Variants in SLC27A2 observed in about 807,000 individuals in gnomAD.
The protein encoded by SLC27A2 is solute carrier family 27 member 2.
In SLC27A2, 54 loss-of-function variants were observed where a neutral mutation model predicts 60.0. That is an observed-to-expected ratio of 0.90 (90% CI 0.72 to 1.13). The LOEUF (loss-of-function observed/expected upper bound fraction) is 1.13, where lower values mean the gene tolerates loss of function less well. Among genes scored for constraint, SLC27A2 ranks in the 50% most tolerant of loss-of-function variants. SLC27A2 has a pLI of 0.00. For synonymous variants in SLC27A2, 297 were observed against 297.6 expected (o/e 1.00, Z 0.02); for missense variants, 739 against 777.6 (o/e 0.95, Z 0.59).
At chr15:50,217,148 A>G (rs769522670) in intron 4 of SLC27A2, among the ~76,000 whole-genome samples, 8 of 152,146 alleles carry the variant, frequency 5.3e-5, no homozygotes, top group Admixed American at 1.3e-4. Flanking sequence ...GGTGCAGTGT[A>G]TACTGCTCAG....
At chr15:50,196,125 T>C (rs1567428469) in intron 1 of SLC27A2, among the ~76,000 whole-genome samples, 2 of 98,992 alleles carry the variant, frequency 2.0e-5, no homozygotes, top group South Asian at 7.4e-4. Context: ...TATATATATA[T>C]GTATGTACAT....
chr15:50,182,506 T>C lies in SLC27A2; in HGVS notation c.79T>C (p.Phe27Leu), dbSNP rs769000298. 3 of 1,612,244 alleles carry C rather than the reference T, an allele frequency of 1.9e-6. No homozygotes were observed. The Admixed American group carries it at 5.0e-5, about 27-fold the overall frequency. ...LLVNLCCPYFFQDIGYFLKVA... is the reference protein window; with the variant it reads ...LLVNLCCPYFLQDIGYFLKVA... ...GGTGAACCTCTGCTGCCCATACTTC[T>C]TCCAGGACATAGGCTACTTCTTGAA... The change falls in exon 1 of 10, where the codon TTC (phenylalanine) becomes CTC (leucine). Residue 27 changes from phenylalanine (F) to leucine (L), a missense_variant. Phe to Leu is a conservative substitution (Grantham distance 22). Coordinates refer to ENST00000267842, the MANE Select transcript of SLC27A2 (RefSeq NM_003645.4).
chr15:50,227,859 A>G (rs2045288633), intron 7 of SLC27A2, among the ~76,000 whole-genome samples: 1 of 152,198 alleles, frequency 6.6e-6, no homozygotes, highest in Non-Finnish European at 1.5e-5. Context: ...GTCTAACTGC[A>G]GTAGAAAGAC....
At chr15:50,232,023 C>T (rs1458883949) in intron 8 of SLC27A2, among the ~76,000 whole-genome samples, 2 of 152,196 alleles carry the variant, frequency 1.3e-5, no homozygotes. Context: ...ATTCTAAAGT[C>T]CCTCCCAACT....
intron 4 of SLC27A2, among the ~76,000 whole-genome samples, chr15:50,218,967 C>T (rs1310350196): frequency 3.9e-5 from 6 of 152,134 alleles, no homozygotes; most frequent in African/African-American, 1.4e-4. Context: ...TAAGGGGAAA[C>T]TTACCAATAG....
At chr15:50,216,608 GTGTATATATATATA>G (rs1448704259) in intron 4 of SLC27A2, among the ~76,000 whole-genome samples, 1 of 45,530 alleles carries the variant, frequency 2.2e-5, no homozygotes, top group Non-Finnish European at 4.4e-5. Flanking sequence ...GTGTGTGTGT[GTGTATATATATATA>G]TATATATATA....
At position 50,182,843 on chromosome 15, in the gene SLC27A2, G is replaced by A. The variant is rs2044875784; in HGVS notation, c.416G>A (p.Arg139His). The A allele has an allele frequency of 1.2e-6, 2 of 1,613,106 alleles. No homozygotes were observed. The highest frequency in any genetic ancestry group is 1.7e-6 in the Non-Finnish European group (2 of 1,179,962). Residue 139 changes from arginine (R) to histidine (H), a missense_variant, in exon 1 of 10, where the codon CGC (arginine) becomes CAC (histidine). Arg to His is a conservative substitution (Grantham distance 29, BLOSUM62 0). Coordinates refer to ENST00000267842, the MANE Select transcript of SLC27A2 (RefSeq NM_003645.4). ...CAMACLNYNI[R>H]AKSLLHCFQC... ...ATGGCGTGCCTCAATTACAACATCCGCGCGAAGTCCCTGCTGCACTGCTTC... is the reference window on the plus strand; with the variant it reads ...ATGGCGTGCCTCAATTACAACATCCACGCGAAGTCCCTGCTGCACTGCTTC...
At chr15:50,207,666 T>C (rs1426596830) in intron 4 of SLC27A2, among the ~76,000 whole-genome samples, 1 of 151,678 alleles carries the variant, frequency 6.6e-6, no homozygotes, top group Non-Finnish European at 1.5e-5. Flanking sequence ...GGCACGTGCC[T>C]GTAATCCCAA....
chr15:50,212,606 C>A (rs1235168116), intron 4 of SLC27A2, among the ~76,000 whole-genome samples: 1 of 152,238 alleles, frequency 6.6e-6, no homozygotes, highest in Non-Finnish European at 1.5e-5. Context: ...AGAAACCCTA[C>A]AAGCTAGAAG....
chr15:50,200,566 C>T (rs989323055), intron 2 of SLC27A2, among the ~76,000 whole-genome samples: 6 of 152,188 alleles, frequency 3.9e-5, no homozygotes, highest in African/African-American at 1.2e-4. Flanking sequence ...TATTTGGGCA[C>T]TATCTGGTGA....
At chr15:50,210,875 C>T (rs1987274) in intron 4 of SLC27A2, among the ~76,000 whole-genome samples, 1 of 152,136 alleles carries the variant, frequency 6.6e-6, no homozygotes, top group Non-Finnish European at 1.5e-5. Flanking sequence ...TCCCCCACTT[C>T]CCTGACAACC....
intron 5 of SLC27A2, among the ~76,000 whole-genome samples, chr15:50,224,219 T>C (rs2045263797): frequency 6.6e-6 from 1 of 152,112 alleles, no homozygotes; most frequent in South Asian, 2.1e-4. Context: ...GGCAGGTGGA[T>C]CATGAGATCA....
At chr15:50,231,692 G>T (rs1488710247) in intron 8 of SLC27A2, among the ~76,000 whole-genome samples, 4 of 152,140 alleles carry the variant, frequency 2.6e-5, no homozygotes, top group African/African-American at 9.7e-5. Flanking sequence ...TGAATCTAAT[G>T]ATCAGTGAGT....
intron 1 of SLC27A2, 42 bp downstream of exon 1, chr15:50,182,947 C>T: frequency 1.9e-6 from 3 of 1,551,070 alleles, no homozygotes; most frequent in South Asian, 2.4e-5. Flanking sequence ...CAGGGCTTCT[C>T]GGCGCCTTGA....
At chr15:50,196,521 T>C (rs1344234517) in intron 1 of SLC27A2, among the ~76,000 whole-genome samples, 1 of 152,160 alleles carries the variant, frequency 6.6e-6, no homozygotes, top group East Asian at 1.9e-4. Context: ...TTTTATTCCA[T>C]TTTAGAGATT....
intron 4 of SLC27A2, among the ~76,000 whole-genome samples, chr15:50,219,782 T>A (rs999053374): frequency 7.2e-5 from 11 of 152,200 alleles, no homozygotes; most frequent in African/African-American, 2.4e-4. Context: ...CCTGGCACCC[T>A]TCATTCCTCT....
In SLC27A2 at chr15:50,227,196, A is replaced by C; in HGVS notation, c.1457+18A>C. The C allele has an allele frequency of 6.2e-7, 1 of 1,603,916 alleles. No individual in the cohort carries two copies. The highest frequency in any genetic ancestry group is 8.5e-7 in the Non-Finnish European group (1 of 1,171,598). On this transcript the variant is annotated intron_variant, in intron 7 of 9. Coordinates refer to ENST00000267842, the MANE Select transcript of SLC27A2 (RefSeq NM_003645.4). ...ACATTCCGGTTGGTTTTTCTGAATC[A>C]TTGAGCCAAAAACAAACACACGCAC...
chr15:50,193,832 A>G (rs2044993242), intron 1 of SLC27A2, among the ~76,000 whole-genome samples: 1 of 152,164 alleles, frequency 6.6e-6, no homozygotes, highest in African/African-American at 2.4e-5. Flanking sequence ...CTTAATTTCA[A>G]AGATCTCCCT....
intron 1 of SLC27A2, among the ~76,000 whole-genome samples, chr15:50,196,575 C>T (rs1031494034): frequency 2.6e-5 from 4 of 152,084 alleles, no homozygotes; most frequent in Non-Finnish European, 4.4e-5. Flanking sequence ...TCAAGATAAG[C>T]GGTAGAACTG....
Sources: gnomAD v4.1 joint callset for allele counts (sites outside exome capture counted in the v4.1 genomes callset) on GRCh38, gnomAD v4.1.1 for gene constraint, MANE v1.5 for transcripts, NCBI Gene and HGNC (gene_info 2026-07-23, HGNC 2026-07-21) for gene names.